Variants in URGCP observed in about 807,000 individuals in gnomAD.
The protein encoded by URGCP is up-regulator of cell proliferation.
Under a neutral mutation model 24.6 loss-of-function variants are expected in URGCP, and 13 were observed. The ratio of observed to expected loss-of-function variants is 0.53; its 90% CI spans 0.34 to 0.84. The LOEUF (loss-of-function observed/expected upper bound fraction) is 0.84. URGCP is among the 40% of genes least tolerant of loss of function. The pLI, the probability that URGCP is intolerant of heterozygous loss-of-function variation, is 0.01. For synonymous variants in URGCP, 444 were observed against 487.2 expected (o/e 0.91, Z 1.17); for missense variants, 899 against 1,194.3 (o/e 0.75, Z 3.64).
At chr7:43,900,336 T>A (rs2095887861) in intron 1 of URGCP, among the ~76,000 whole-genome samples, 1 of 150,950 alleles carries the variant, frequency 6.6e-6, no homozygotes, top group Non-Finnish European at 1.5e-5. Flanking sequence ...ACGCCTGTAA[T>A]CCCAGCTACT....
intron 1 of URGCP, among the ~76,000 whole-genome samples, chr7:43,912,135 C>T (rs2095910723): frequency 1.3e-5 from 2 of 152,014 alleles, no homozygotes; most frequent in Non-Finnish European, 1.5e-5. Context: ...TAGCTCTATA[C>T]CTTAAAGAAA....
upstream of URGCP, chr7:43,907,175 G>A (rs1389710131): frequency 1.3e-5 from 2 of 152,116 alleles, no homozygotes; most frequent in Non-Finnish European, 2.9e-5. Context: ...CTCCAGTGAG[G>A]TTTCACAACT....
chr7:43,885,140 G>A (rs1251307068), intron 3 of URGCP, among the ~76,000 whole-genome samples: 4 of 149,312 alleles, frequency 2.7e-5, no homozygotes, highest in Non-Finnish European at 4.4e-5. Flanking sequence ...TTGCTCTGTC[G>A]CCCAGGCTGG....
intron 1 of URGCP, among the ~76,000 whole-genome samples, chr7:43,915,572 C>T (rs1230734099): frequency 1.3e-5 from 2 of 152,226 alleles, no homozygotes; most frequent in Non-Finnish European, 2.9e-5. Context: ...GGCTCCCTGC[C>T]CCTCCCAGCT....
At chr7:43,882,887 C>A (rs551434617) in intron 3 of URGCP, among the ~76,000 whole-genome samples, 4 of 152,276 alleles carry the variant, frequency 2.6e-5, no homozygotes, top group African/African-American at 9.6e-5. Flanking sequence ...TGTAAGTTGA[C>A]AGAAATTCCT....
At chr7:43,914,955 T>C (rs544995575) in intron 1 of URGCP, among the ~76,000 whole-genome samples, 1 of 152,242 alleles carries the variant, frequency 6.6e-6, no homozygotes, top group East Asian at 1.9e-4. Context: ...GGGAAATCAA[T>C]GTGGAGTGGC....
At chr7:43,896,454 CAAA>C (rs34790770) in intron 1 of URGCP, among the ~76,000 whole-genome samples, 11 of 85,100 alleles carry the variant, frequency 1.3e-4, no homozygotes, top group Admixed American at 1.3e-4. Flanking sequence ...GACTCTGTCT[CAAA>C]AAAAAAAAAA....
At chr7:43,908,768 G>T (rs1227645083), upstream of URGCP, among the ~76,000 whole-genome samples, 1 of 152,164 alleles carries the variant, frequency 6.6e-6, no homozygotes, top group Admixed American at 6.5e-5. Context: ...TGGTCTACAA[G>T]CTTCTGAACC....
chr7:43,907,848 G>A (rs538115121), upstream of URGCP, among the ~76,000 whole-genome samples: 1 of 152,308 alleles, frequency 6.6e-6, no homozygotes, highest in East Asian at 1.9e-4. Context: ...CAATGTTTCT[G>A]AGCCTCCTTG....
intron 1 of URGCP, 23 bp downstream of exon 1, chr7:43,906,539 A>G: frequency 2.5e-6 from 3 of 1,224,026 alleles, no homozygotes; most frequent in East Asian, 3.9e-5. Context: ...GCGGGGGCGC[A>G]GGGCCTGCGA....
chr7:43,884,832 T>C (rs886889484), intron 3 of URGCP, among the ~76,000 whole-genome samples: 3 of 151,934 alleles, frequency 2.0e-5, no homozygotes, highest in African/African-American at 7.3e-5. Flanking sequence ...GAGACAAAAA[T>C]AGAATGAGCT....
intron 1 of URGCP, among the ~76,000 whole-genome samples, chr7:43,898,330 A>G (rs980501336): frequency 3.9e-5 from 6 of 152,240 alleles, no homozygotes; most frequent in Non-Finnish European, 8.8e-5. Flanking sequence ...TTCCTATTAT[A>G]CAAATAGGTT....
At chr7:43,920,235 A>G (rs974700303) in intron 1 of URGCP, among the ~76,000 whole-genome samples, 2 of 152,240 alleles carry the variant, frequency 1.3e-5, no homozygotes, top group Non-Finnish European at 2.9e-5. Context: ...TATCTTTAAT[A>G]AAGCAGTGGA....
intron 3 of URGCP, among the ~76,000 whole-genome samples, chr7:43,883,014 G>C (rs144237318): frequency 6.6e-6 from 1 of 151,988 alleles, no homozygotes; most frequent in Non-Finnish European, 1.5e-5. Context: ...GGTGAGGTGC[G>C]GGGGGAGAGA....
chr7:43,918,948 C>T, intron 1 of URGCP: 1 of 1,365,206 alleles, frequency 7.3e-7, no homozygotes, highest in Non-Finnish European at 1.1e-6. Context: ...CTGTGCCAAG[C>T]TCTACAACCC....
At chr7:43,919,965 A>G in intron 1 of URGCP, 1 of 1,346,450 alleles carries the variant, frequency 7.4e-7, no homozygotes, top group Non-Finnish European at 1.1e-6. Context: ...TGAGATGGAC[A>G]CAACACATCT....
In URGCP at chr7:43,876,878, A is replaced by C; in HGVS notation, c.2585T>G (p.Leu862Arg). ...AGGGTCGCAGAAGGCCAGGCCTGCC[A>C]GTGCCCGGAAGCCGTCGCCCTGTTT... is the stretch of plus-strand genomic sequence containing the variant. ...MEKQGDGFRA[L>R]AGLAFCDPEK... Residue 862 changes from leucine (L) to arginine (R), a missense_variant, in exon 6 of 6, where the codon CTG becomes CGG. Transcript: ENST00000453200. 1.9e-6 allele frequency: 3 copies of C among 1,614,056 alleles called. No individual in the cohort carries two copies. Among genetic ancestry groups the C allele is most frequent in the Non-Finnish European group, 2.5e-6 (3 of 1,180,026 alleles).
upstream of URGCP, among the ~76,000 whole-genome samples, chr7:43,909,703 G>A (rs1415433206): frequency 6.6e-6 from 1 of 151,012 alleles, no homozygotes; most frequent in African/African-American, 2.4e-5. Context: ...CTGGGTGACA[G>A]ACTATCTCAA....
chr7:43,918,308 T>C (rs144861019), intron 1 of URGCP, among the ~76,000 whole-genome samples: 4 of 151,356 alleles, frequency 2.6e-5, no homozygotes, highest in African/African-American at 9.7e-5. Context: ...TTCCTTTCCC[T>C]TTCCTTTCCC....
Sources: gnomAD v4.1 joint callset for allele counts (sites outside exome capture counted in the v4.1 genomes callset) on GRCh38, gnomAD v4.1.1 for gene constraint, MANE v1.5 for transcripts, NCBI Gene and HGNC (gene_info 2026-07-23, HGNC 2026-07-21) for gene names.